The following NUDCD2 variants were observed in gnomAD, a reference collection of about 807,000 sequenced individuals.
The protein encoded by NUDCD2 is NudC domain containing 2.
A neutral mutation model predicts 20.8 loss-of-function variants in NUDCD2; 16 were observed. The observed-to-expected ratio is 0.77, with a 90% CI of 0.52 to 1.17. The LOEUF (loss-of-function observed/expected upper bound fraction) is 1.17. NUDCD2 is among the 50% of genes most tolerant of loss of function. The pLI is 0.00. For synonymous variants in NUDCD2, 87 were observed against 72.8 expected (o/e 1.20, Z -1.00); for missense variants, 199 against 193.9 (o/e 1.03, Z -0.16).
At position 163,452,665 on chromosome 5, in the gene NUDCD2, A is replaced by G. The variant is rs541688924; in HGVS notation, c.*1302T>C. 6 of 152,184 alleles carry G rather than the reference A, an allele frequency of 3.9e-5. No homozygotes were observed. Among genetic ancestry groups the G allele is most frequent in the African/African-American group, 2.4e-5 (1 of 41,458 alleles). The allele number at this position is 152,184 out of a possible 1,614,324, so 9.4% of individuals were successfully genotyped here. On this transcript the variant is annotated 3_prime_UTR_variant, in exon 4 of 4. Transcript: ENST00000302764. The stretch of plus-strand genomic sequence containing the variant: ...CTGGCAGACACTACCTTAATCAGTC[A>G]TCTAAGAAACACCATCAGAAATGAG...
At chr5:163,455,621 G>A (rs1017280718) in intron 3 of NUDCD2, among the ~76,000 whole-genome samples, 12 of 152,032 alleles carry the variant, frequency 7.9e-5, no homozygotes, top group Admixed American at 3.9e-4. Flanking sequence ...AAAATTAGCC[G>A]TGCGTGGTGG....
Position 163,451,157 on chromosome 5 carries a change from A to G in NUDCD2, c.*2810T>C, listed in dbSNP as rs1183900605. The G allele has an allele frequency of 6.6e-6, 1 of 152,176 alleles. No homozygotes were observed. Among genetic ancestry groups the G allele is most frequent in the Non-Finnish European group, 1.5e-5 (1 of 68,032 alleles). The allele number at this position is 152,176 out of a possible 1,614,324, so 9.4% of individuals were successfully genotyped here. Reference sequence around the variant, plus strand: ...GAGAAGGATAAAAGCTAAACTATACAAGGTTTCTATCTGAGGTGATGAAAA... The same window carrying G: ...GAGAAGGATAAAAGCTAAACTATACGAGGTTTCTATCTGAGGTGATGAAAA... On this transcript the variant is annotated 3_prime_UTR_variant, in exon 4 of 4. Transcript: ENST00000302764.
At position 163,448,696 on chromosome 5, in the gene NUDCD2, A is replaced by G. The variant is rs536132639; in HGVS notation, c.*5271T>C. On this transcript the variant is annotated 3_prime_UTR_variant, in exon 4 of 4. Coordinates refer to ENST00000302764, the MANE Select transcript of NUDCD2 (RefSeq NM_145266.6). Reference sequence around the variant, plus strand: ...AAAAAACAAACAAAAACAATTGCACAATATCCAAAATGAACACAGACATAA... The same window carrying G: ...AAAAAACAAACAAAAACAATTGCACGATATCCAAAATGAACACAGACATAA... 6.6e-6 allele frequency: 1 copy of G among 152,348 alleles called. No homozygotes were observed. Among genetic ancestry groups the G allele is most frequent in the East Asian group, 1.9e-4 (1 of 5,188 alleles). The allele number at this position is 152,348 out of a possible 1,614,324, so 9.4% of individuals were successfully genotyped here. A position where few individuals can be genotyped will look rare whatever the true frequency, so the allele number is the denominator to read the frequency against.
intron 1 of NUDCD2, among the ~76,000 whole-genome samples, chr5:163,458,379 G>GT (rs140269632): frequency 4.5e-4 from 69 of 152,094 alleles, no homozygotes; most frequent in African/African-American, 1.5e-3. Context: ...TGATAGATTA[G>GT]TTGTGACTAA....
intron 1 of NUDCD2, among the ~76,000 whole-genome samples, 187 bp from the exon 2 acceptor site, chr5:163,457,797 G>A (rs1758360805): frequency 6.6e-6 from 1 of 151,884 alleles, no homozygotes; most frequent in African/African-American, 2.4e-5. Context: ...ACACTGCAAG[G>A]GATATTTACT....
rs1046050553 is a variant in NUDCD2, at chr5:163,451,098, GA to G, written c.*2868del. On this transcript the variant is annotated 3_prime_UTR_variant, in exon 4 of 4. Coordinates refer to ENST00000302764, the MANE Select transcript of NUDCD2 (RefSeq NM_145266.6). ...TCCAGAATAAGGAAATCTATGAGAT[GA>G]AAAGAGGTAGTATGGATGGCGGGGG... 1 of 152,184 alleles carries G rather than the reference GA, an allele frequency of 6.6e-6. No individual in the cohort carries two copies. Among genetic ancestry groups the G allele is most frequent in the African/African-American group, 2.4e-5 (1 of 41,446 alleles). 9.4% of individuals were successfully genotyped at this position (152,184 alleles called of 1,614,324 possible). A position where few individuals can be genotyped will look rare whatever the true frequency, so the allele number is the denominator to read the frequency against.
chr5:163,457,519 A>C, intron 2 of NUDCD2, 43 bp downstream of exon 2: 1 of 1,154,292 alleles, frequency 8.7e-7, no homozygotes, highest in Non-Finnish European at 1.3e-6. Context: ...AGATATCAAG[A>C]CAAAATTATT....
intron 1 of NUDCD2, chr5:163,458,956 T>G (rs1218251523): frequency 1.3e-5 from 2 of 152,296 alleles, no homozygotes; most frequent in Middle Eastern, 3.4e-3. Context: ...ATATATATAA[T>G]AGCTAATAGC....
At position 163,450,117 on chromosome 5, in the gene NUDCD2, T is replaced by C. The variant is rs1025140671; in HGVS notation, c.*3850A>G. 1 of 151,836 alleles carries C rather than the reference T, an allele frequency of 6.6e-6. No individual in the cohort carries two copies. Among genetic ancestry groups the C allele is most frequent in the African/African-American group, 2.4e-5 (1 of 41,322 alleles). 9.4% of individuals were successfully genotyped at this position (151,836 alleles called of 1,614,324 possible). A position where few individuals can be genotyped will look rare whatever the true frequency, so the allele number is the denominator to read the frequency against. The stretch of plus-strand genomic sequence containing the variant: ...AATAAAAAATAAAAAAAAAATGGGC[T>C]GGGAGTGGTGGTGCACACCTGTAGT... On this transcript the variant is annotated 3_prime_UTR_variant, in exon 4 of 4. Transcript: ENST00000302764.
At chr5:163,457,227 G>A (rs1294990226) in intron 2 of NUDCD2, 147 bp from the exon 3 acceptor site, 4 of 809,688 alleles carry the variant, frequency 4.9e-6, no homozygotes, top group South Asian at 4.2e-5. Flanking sequence ...CGCCCCCCGG[G>A]TTCAAGTGAT....
intron 1 of NUDCD2, chr5:163,459,576 T>C (rs1394203070): frequency 1.3e-5 from 3 of 228,412 alleles, no homozygotes; most frequent in Admixed American, 5.8e-5. Flanking sequence ...TATTTGTTCC[T>C]TTAGCAACCT....
At chr5:163,454,715 A>G (rs1204490161) in intron 3 of NUDCD2, among the ~76,000 whole-genome samples, 2 of 152,176 alleles carry the variant, frequency 1.3e-5, no homozygotes, top group East Asian at 1.9e-4. Flanking sequence ...AAGATATTTA[A>G]CCCTCACAAC....
At position 163,450,893 on chromosome 5, in the gene NUDCD2, C is replaced by G. The variant is rs987419692; in HGVS notation, c.*3074G>C. The stretch of plus-strand genomic sequence containing the variant: ...CAGGACAGCCAAAGGGTGGAAATAC[C>G]CAAAATGTCCAACTTACAAATGTAT... On this transcript the variant is annotated 3_prime_UTR_variant, in exon 4 of 4. Coordinates refer to ENST00000302764, the MANE Select transcript of NUDCD2 (RefSeq NM_145266.6). The G allele has an allele frequency of 2.0e-5, 3 of 152,122 alleles. No homozygotes were observed. Among genetic ancestry groups the G allele is most frequent in the Non-Finnish European group, 4.4e-5 (3 of 68,034 alleles). 9.4% of individuals were successfully genotyped at this position (152,122 alleles called of 1,614,324 possible).
rs1170554368 is a variant in NUDCD2, at chr5:163,454,051, C to G, written c.391-1G>C. 1 of 1,505,822 alleles carries G rather than the reference C, an allele frequency of 6.6e-7. No homozygotes were observed. Among genetic ancestry groups the G allele is most frequent in the African/African-American group, 1.4e-5 (1 of 71,674 alleles). The allele number at this position is 1,505,822 out of a possible 1,614,324, so 93.3% of individuals were successfully genotyped here. A position where few individuals can be genotyped will look rare whatever the true frequency, so the allele number is the denominator to read the frequency against. On this transcript the variant is annotated splice_acceptor_variant, in intron 3 of 3. Coordinates refer to ENST00000302764, the MANE Select transcript of NUDCD2 (RefSeq NM_145266.6). LOFTEE classifies it high-confidence loss of function. ...CTCCACTGAAGTCAAAACCAGGATT[C>G]TAAAAGATACAAACATATATATAAT...
At position 163,453,983 on chromosome 5, in the gene NUDCD2, G is replaced by C; in HGVS notation, c.458C>G (p.Ser153Ter). The change falls in exon 4 of 4, where the codon TCA (serine) becomes TGA (stop). Residue 153 changes from serine to a stop codon, truncating the protein, a stop_gained. Transcript: ENST00000302764. LOFTEE classifies it high-confidence loss of function. ...GNYTKGGPDF[S>*]NLEK ...AAAAAGCAGTTATTTCTCAAGGTTT[G>C]AGAAATCTGGTCCACCTTTAGTGTA... The C allele has an allele frequency of 1.3e-6, 2 of 1,538,748 alleles. No homozygotes were observed. Among genetic ancestry groups the C allele is most frequent in the Non-Finnish European group, 1.8e-6 (2 of 1,138,446 alleles).
rs1440984525 is a variant in NUDCD2 at position 163,459,881 on chromosome 5, CCCA to C, written c.167_169del (p.Val56del). 1 of 1,606,648 alleles carries C rather than the reference CCCA, an allele frequency of 6.2e-7. No homozygotes were observed. Among genetic ancestry groups the C allele is most frequent in the Non-Finnish European group, 8.5e-7 (1 of 1,177,098 alleles). On this transcript the variant is annotated inframe_deletion, in exon 1 of 4. Coordinates refer to ENST00000302764, the MANE Select transcript of NUDCD2 (RefSeq NM_145266.6). Reference sequence around the variant, plus strand: ...CGCTACCTTGAGGATCTCGCGGCCGCCCACCGACAGCGCCACATGCCGGCTCTG... The same window carrying C: ...CGCTACCTTGAGGATCTCGCGGCCGCCCGACAGCGCCACATGCCGGCTCTG...
In NUDCD2 at chr5:163,448,899, C is replaced by T. The variant is rs1403217299; in HGVS notation, c.*5068G>A. ...TACAGAAAGAGCATAGAAAATTCAG[C>T]ATCCACTCATGAAACTCTGCTAACA... On this transcript the variant is annotated 3_prime_UTR_variant, in exon 4 of 4. Transcript: ENST00000302764. 6.6e-6 allele frequency: 1 copy of T among 152,170 alleles called. No individual in the cohort carries two copies. The highest frequency in any genetic ancestry group is 1.5e-5 in the Non-Finnish European group (1 of 68,028). 9.4% of individuals were successfully genotyped at this position (152,170 alleles called of 1,614,324 possible). A position where few individuals can be genotyped will look rare whatever the true frequency, so the allele number is the denominator to read the frequency against.
In NUDCD2 at chr5:163,448,363, A is replaced by G. The variant is rs942456055; in HGVS notation, c.*5604T>C. The stretch of plus-strand genomic sequence containing the variant: ...TCTTTGATTCCAATCTTAGGAATCA[A>G]AGAAAAGATAACAGTATAGATCCTC... On this transcript the variant is annotated 3_prime_UTR_variant, in exon 4 of 4. Transcript: ENST00000302764. 1.3e-5 allele frequency: 2 copies of G among 152,200 alleles called. No homozygotes were observed. The highest frequency in any genetic ancestry group is 2.9e-5 in the Non-Finnish European group (2 of 68,036). The allele number at this position is 152,200 out of a possible 1,614,324, so 9.4% of individuals were successfully genotyped here. A position where few individuals can be genotyped will look rare whatever the true frequency, so the allele number is the denominator to read the frequency against.
intron 1 of NUDCD2, among the ~76,000 whole-genome samples, chr5:163,458,470 C>T (rs1032729469): frequency 6.6e-6 from 1 of 152,036 alleles, no homozygotes; most frequent in Non-Finnish European, 1.5e-5. Context: ...GTAGCTCAGG[C>T]CTGTAATCCC....
Sources: gnomAD v4.1 joint callset for allele counts (sites outside exome capture counted in the v4.1 genomes callset) on GRCh38, gnomAD v4.1.1 for gene constraint, MANE v1.5 for transcripts, NCBI Gene and HGNC (gene_info 2026-07-23, HGNC 2026-07-21) for gene names.